Variants in XKR6 observed in about 807,000 individuals in gnomAD.
The protein encoded by XKR6 is XK-related protein 6.
In XKR6, 22 loss-of-function variants were observed where a neutral mutation model predicts 56.7. The ratio of observed to expected loss-of-function variants is 0.39; its 90% CI spans 0.28 to 0.55. The LOEUF (loss-of-function observed/expected upper bound fraction) is 0.55, where lower values mean the gene tolerates loss of function less well. Ranked by LOEUF, XKR6 falls within the 20% of genes least tolerant of loss-of-function variation. The pLI is 0.66. For synonymous variants in XKR6, 524 were observed against 387.8 expected, an observed-to-expected ratio of 1.35 and a Z score of -4.13; for missense variants, 852 against 889.0, an observed-to-expected ratio of 0.96 and a Z score of 0.53.
intron 1 of XKR6, among the ~76,000 whole-genome samples, chr8:10,975,982 G>C (rs1372863185): frequency 6.6e-6 from 1 of 152,032 alleles, no homozygotes; most frequent in Non-Finnish European, 1.5e-5. Context: ...AGACCATACT[G>C]GCTAACAAGG....
intron 1 of XKR6, among the ~76,000 whole-genome samples, chr8:11,058,928 T>C (rs1799755513): frequency 6.6e-6 from 1 of 152,198 alleles, no homozygotes; most frequent in Non-Finnish European, 1.5e-5. Context: ...AAAACACAAA[T>C]GCACATTGTT....
intron 1 of XKR6, among the ~76,000 whole-genome samples, chr8:11,040,036 T>G (rs920672105): frequency 6.6e-6 from 1 of 152,154 alleles, no homozygotes; most frequent in African/African-American, 2.4e-5. Flanking sequence ...CGCCACCCTC[T>G]GCCTCCCTCA....
At chr8:11,173,372 C>T (rs1330094470) in intron 1 of XKR6, among the ~76,000 whole-genome samples, 7 of 149,486 alleles carry the variant, frequency 4.7e-5, no homozygotes, top group African/African-American at 1.7e-4. Flanking sequence ...TATATACACA[C>T]ACACACACAC....
At chr8:11,153,187 CG>C (rs1563178637) in intron 1 of XKR6, among the ~76,000 whole-genome samples, 2 of 152,128 alleles carry the variant, frequency 1.3e-5, no homozygotes, top group East Asian at 3.8e-4. Flanking sequence ...AGAAAAGCTA[CG>C]TGAAGAACTG....
chr8:11,002,710 G>A (rs1798271529), intron 1 of XKR6, among the ~76,000 whole-genome samples: 1 of 152,240 alleles, frequency 6.6e-6, no homozygotes, highest in Non-Finnish European at 1.5e-5. Context: ...GAGTTCAACG[G>A]CCCCAAGCAT....
intron 1 of XKR6, among the ~76,000 whole-genome samples, chr8:11,031,009 T>G (rs1430551935): frequency 6.6e-6 from 1 of 152,228 alleles, no homozygotes; most frequent in African/African-American, 2.4e-5. Flanking sequence ...GTTGGTAGAG[T>G]GCACACCTAC....
chr8:11,011,662 T>C (rs1470363663), intron 1 of XKR6, among the ~76,000 whole-genome samples: 7 of 152,120 alleles, frequency 4.6e-5, no homozygotes, highest in Admixed American at 2.6e-4. Flanking sequence ...CAGAGAAGGA[T>C]AGAGCAGGGA....
intron 1 of XKR6, among the ~76,000 whole-genome samples, chr8:11,053,690 C>T (rs1799611029): frequency 6.6e-6 from 1 of 152,222 alleles, no homozygotes; most frequent in Admixed American, 6.5e-5. Context: ...CTGTTTCTAG[C>T]CCTCTGTTCC....
At chr8:11,027,977 T>C (rs1798907863) in intron 1 of XKR6, among the ~76,000 whole-genome samples, 2 of 152,030 alleles carry the variant, frequency 1.3e-5, no homozygotes, top group South Asian at 4.2e-4. Flanking sequence ...TCACCCAGAG[T>C]CCATAGGTTA....
intron 1 of XKR6, among the ~76,000 whole-genome samples, chr8:10,928,205 G>C (rs1222714321): frequency 6.6e-6 from 1 of 152,192 alleles, no homozygotes; most frequent in African/African-American, 2.4e-5. Context: ...GTGGGGCCCG[G>C]ACGGGACCAG....
intron 1 of XKR6, among the ~76,000 whole-genome samples, chr8:11,121,508 T>A (rs1403998226): frequency 6.6e-6 from 1 of 152,182 alleles, no homozygotes; most frequent in Admixed American, 6.5e-5. Context: ...CCTGTTAGAA[T>A]GGCGATCATT....
chr8:10,902,671 CTG>C (rs1389818262), intron 2 of XKR6, among the ~76,000 whole-genome samples: 1 of 152,212 alleles, frequency 6.6e-6, no homozygotes, highest in Non-Finnish European at 1.5e-5. Context: ...ATCCTTGACA[CTG>C]TGAAATGCTC....
intron 1 of XKR6, among the ~76,000 whole-genome samples, chr8:11,082,592 C>A (rs1797761872): frequency 6.6e-6 from 1 of 152,236 alleles, no homozygotes; most frequent in Non-Finnish European, 1.5e-5. Context: ...CCTGGCTCCT[C>A]CTCCTCCAAA....
At chr8:11,137,587 C>A in intron 1 of XKR6, 2 of 456,248 alleles carry the variant, frequency 4.4e-6, no homozygotes, top group South Asian at 3.1e-5. Flanking sequence ...GAGAAGTTCT[C>A]TTTAGAACCA....
At chr8:10,964,093 A>T (rs189311261) in intron 1 of XKR6, among the ~76,000 whole-genome samples, 2 of 152,252 alleles carry the variant, frequency 1.3e-5, no homozygotes, top group Admixed American at 1.3e-4. Context: ...TTGTGCCTCA[A>T]ATGGGCTGTT....
chr8:11,142,645 C>T (rs1204167169), intron 1 of XKR6, among the ~76,000 whole-genome samples: 2 of 152,190 alleles, frequency 1.3e-5, no homozygotes, highest in African/African-American at 4.8e-5. Context: ...CCTTCTCCCC[C>T]TTCGCCTTCC....
intron 1 of XKR6, among the ~76,000 whole-genome samples, chr8:10,954,075 T>C (rs1801805585): frequency 6.6e-6 from 1 of 152,246 alleles, no homozygotes; most frequent in Non-Finnish European, 1.5e-5. Flanking sequence ...TGATAGACAT[T>C]TGAGTTGTTT....
At chr8:10,911,650 A>C (rs1357829273) in intron 2 of XKR6, among the ~76,000 whole-genome samples, 2 of 146,970 alleles carry the variant, frequency 1.4e-5, no homozygotes, top group East Asian at 4.0e-4. Flanking sequence ...ATATATATAG[A>C]ATATATATAT....
chr8:10,927,125 G>A (rs1800911135), intron 1 of XKR6, among the ~76,000 whole-genome samples: 1 of 152,138 alleles, frequency 6.6e-6, no homozygotes, highest in Non-Finnish European at 1.5e-5. Flanking sequence ...TGTCATCATC[G>A]GTAGTTTGGG....
Sources: gnomAD v4.1 joint callset for allele counts (sites outside exome capture counted in the v4.1 genomes callset) on GRCh38, gnomAD v4.1.1 for gene constraint, MANE v1.5 for transcripts, NCBI Gene and HGNC (gene_info 2026-07-23, HGNC 2026-07-21) for gene names.